TNFRSF10D: variants seen among roughly 807,000 people sequenced by gnomAD.
The protein encoded by TNFRSF10D is TNF receptor superfamily member 10d, also known as tumor necrosis factor receptor superfamily member 10D.
Under a neutral mutation model 42.1 loss-of-function variants are expected in TNFRSF10D, and 28 were observed. The observed-to-expected ratio is 0.66, with a 90% CI of 0.49 to 0.91. TNFRSF10D has a LOEUF of 0.91. Among genes scored for constraint, TNFRSF10D ranks in the 40% least tolerant of loss-of-function variants. TNFRSF10D has a pLI of 0.00. For missense variants in TNFRSF10D, 503 were observed against 486.1 expected (o/e 1.03, Z -0.33); for synonymous variants, 186 against 189.4 (o/e 0.98, Z 0.15).
chr8:23,142,750 T>G (rs114044005), intron 7 of TNFRSF10D, among the ~76,000 whole-genome samples: 941 of 151,736 alleles, frequency 6.2e-3, no homozygotes, highest in African/African-American at 0.019. Context: ...AAAGGAAAAA[T>G]AAAAAATGAA....
chr8:23,163,845 A>G lies in TNFRSF10D; in HGVS notation c.91T>C (p.Trp31Arg), dbSNP rs752548144. The G allele has an allele frequency of 1.2e-6, 2 of 1,607,190 alleles. No individual in the cohort carries two copies. Among genetic ancestry groups the G allele is most frequent in the East Asian group, 2.3e-5 (1 of 44,056 alleles). The stretch of plus-strand genomic sequence containing the variant: ...TTAAGGATCTTGGGGTCCAGGAGCC[A>G]TGGTCTGGTTCCCGACGCTGTCCTG... ...GARTASGTRP[W>R]LLDPKILKFV... Residue 31 changes from tryptophan (W) to arginine (R), a missense_variant, in exon 1 of 9, where the codon TGG (tryptophan) becomes CGG (arginine). Coordinates refer to ENST00000312584, the MANE Select transcript of TNFRSF10D (RefSeq NM_003840.5).
At chr8:23,162,874 C>G (rs1585267818) in intron 1 of TNFRSF10D, among the ~76,000 whole-genome samples, 1 of 152,174 alleles carries the variant, frequency 6.6e-6, no homozygotes, top group Middle Eastern at 3.2e-3. Context: ...AAACTGATCT[C>G]CAAGAAACAC....
chr8:23,144,412 CT>C, intron 7 of TNFRSF10D, 37 bp downstream of exon 7: 1 of 1,598,750 alleles, frequency 6.3e-7, no homozygotes, highest in African/African-American at 1.3e-5. Flanking sequence ...CCTGTGCAGG[CT>C]GCACGCCAGG....
rs61160958 is a variant in TNFRSF10D at position 23,146,856 on chromosome 8, C to CCT, written c.482+104_482+105insAG. On this transcript the variant is annotated intron_variant, in intron 4 of 8. Transcript: ENST00000312584. ...AAACCCCACAGGCTCAGGGAGGCCT[C>CCT]GGGCCTGGAGGATCCATGGGGTCAG... is the stretch of plus-strand genomic sequence containing the variant. 3.1e-6 allele frequency: 3 copies of CCT among 979,642 alleles called. No homozygotes were observed. The African/African-American group carries it at 4.9e-5, about 16-fold the overall frequency. 60.7% of individuals were successfully genotyped at this position (979,642 alleles called of 1,614,324 possible).
chr8:23,137,198 G>A lies in TNFRSF10D; in HGVS notation c.*672C>T, dbSNP rs1424291708. The A allele has an allele frequency of 3.3e-5, 5 of 152,160 alleles. No homozygotes were observed. The highest frequency in any genetic ancestry group is 2.6e-4 in the Admixed American group (4 of 15,278). The allele number at this position is 152,160 out of a possible 1,614,324, so 9.4% of individuals were successfully genotyped here. A position where few individuals can be genotyped will look rare whatever the true frequency, so the allele number is the denominator to read the frequency against. On this transcript the variant is annotated 3_prime_UTR_variant, in exon 9 of 9. Transcript: ENST00000312584. The stretch of plus-strand genomic sequence containing the variant: ...GCTCAAAACTCTAAGTCGAACCCTC[G>A]TAAGTCCATATGCTCATGACTTAGC...
Position 23,137,585 on chromosome 8 carries a change from A to T in TNFRSF10D, c.*285T>A. ...CTATCAAAGTGCTGGGATTACAGGC[A>T]TGAGCCACCGCATGTGGCCTAAAAC... On this transcript the variant is annotated 3_prime_UTR_variant, in exon 9 of 9. Coordinates refer to ENST00000312584, the MANE Select transcript of TNFRSF10D (RefSeq NM_003840.5). 1 of 259,054 alleles carries T rather than the reference A, an allele frequency of 3.9e-6. No individual in the cohort carries two copies. The highest frequency in any genetic ancestry group is 7.4e-6 in the Non-Finnish European group (1 of 135,522). The allele number at this position is 259,054 out of a possible 1,614,324, so 16.0% of individuals were successfully genotyped here.
Position 23,135,972 on chromosome 8 carries a change from TG to T in TNFRSF10D, c.*1897del. 2.2e-6 allele frequency: 1 copy of T among 446,414 alleles called. No homozygotes were observed. 27.7% of individuals were successfully genotyped at this position (446,414 alleles called of 1,614,324 possible). ...CAAGGTGTGGGACGCCAGATGGAAG[TG>T]GGAGAGGATGGAAGTGCGAAGACCG... On this transcript the variant is annotated 3_prime_UTR_variant, in exon 9 of 9. Transcript: ENST00000312584.
intron 2 of TNFRSF10D, among the ~76,000 whole-genome samples, chr8:23,152,349 G>A (rs115863069): frequency 6.1e-3 from 924 of 152,160 alleles, no homozygotes; most frequent in African/African-American, 0.019. Flanking sequence ...GAGAGGACCC[G>A]TGGGACTACA....
intron 1 of TNFRSF10D, among the ~76,000 whole-genome samples, chr8:23,157,270 C>T (rs1409315724): frequency 6.6e-6 from 1 of 152,160 alleles, no homozygotes; most frequent in Non-Finnish European, 1.5e-5. Context: ...CCATTTCCCA[C>T]CAGTTTTGCT....
intron 1 of TNFRSF10D, among the ~76,000 whole-genome samples, chr8:23,163,566 C>G (rs1800406312): frequency 6.6e-6 from 1 of 152,182 alleles, no homozygotes; most frequent in Non-Finnish European, 1.5e-5. Flanking sequence ...CACGGGACAG[C>G]CAGGGGGAGC....
intron 6 of TNFRSF10D, 107 bp downstream of exon 6, chr8:23,144,951 T>C: frequency 6.6e-7 from 1 of 1,513,478 alleles, no homozygotes; most frequent in East Asian, 2.3e-5. Flanking sequence ...TGTCAGAGAG[T>C]CAGGGCAGCC....
chr8:23,140,352 A>G (rs967525269), intron 7 of TNFRSF10D, among the ~76,000 whole-genome samples: 1 of 148,486 alleles, frequency 6.7e-6, no homozygotes, highest in Admixed American at 6.9e-5. Flanking sequence ...GACCAAATCA[A>G]TAACACAATC....
intron 6 of TNFRSF10D, 106 bp from the exon 7 acceptor site, chr8:23,144,741 C>T (rs1800089799): frequency 3.6e-6 from 5 of 1,382,738 alleles, no homozygotes; most frequent in Non-Finnish European, 4.9e-6. Flanking sequence ...ATGAGGTCAC[C>T]CCAGGCAGCT....
At chr8:23,145,188 A>C (rs997056781) in intron 5 of TNFRSF10D, 99 bp from the exon 6 acceptor site, 2 of 1,496,536 alleles carry the variant, frequency 1.3e-6, no homozygotes, top group Non-Finnish European at 1.8e-6. Context: ...GGGCTGGGAC[A>C]CTGGACAAGG....
chr8:23,150,461 A>G (rs1028844084), intron 2 of TNFRSF10D, among the ~76,000 whole-genome samples: 1 of 152,236 alleles, frequency 6.6e-6, no homozygotes, highest in African/African-American at 2.4e-5. Flanking sequence ...GCTTCTTCAA[A>G]GTGCACATTC....
At chr8:23,154,246 G>A (rs114951722) in intron 2 of TNFRSF10D, among the ~76,000 whole-genome samples, 928 of 152,202 alleles carry the variant, frequency 6.1e-3, no homozygotes, top group African/African-American at 0.019. Context: ...CTGGTCAAAG[G>A]ATACAAAATT....
rs747315343 is a variant in TNFRSF10D, at chr8:23,163,816, G to A, written c.120C>T (p.Phe40=). 1 of 1,609,212 alleles carries A rather than the reference G, an allele frequency of 6.2e-7. No individual in the cohort carries two copies. Among genetic ancestry groups the A allele is most frequent in the Non-Finnish European group, 8.5e-7 (1 of 1,178,472 alleles). The change falls in exon 1 of 9, where the codon TTC becomes TTT. Residue 40 remains phenylalanine, a synonymous_variant. Coordinates refer to ENST00000312584, the MANE Select transcript of TNFRSF10D (RefSeq NM_003840.5). ...GCAGAACCGCGACGATGAAGACGAC[G>A]AACTTAAGGATCTTGGGGTCCAGGA... ...PWLLDPKILK[F]VVFIVAVLLP... is the part of the protein sequence containing the mutation.
At chr8:23,150,407 C>T (rs1004591832) in intron 2 of TNFRSF10D, among the ~76,000 whole-genome samples, 14 of 152,204 alleles carry the variant, frequency 9.2e-5, no homozygotes, top group African/African-American at 3.1e-4. Flanking sequence ...TGGTGAAGGG[C>T]GTTCCCTGAC....
intron 1 of TNFRSF10D, among the ~76,000 whole-genome samples, chr8:23,158,715 A>G (rs981089797): frequency 5.3e-5 from 8 of 152,174 alleles, no homozygotes; most frequent in Non-Finnish European, 1.0e-4. Flanking sequence ...ATGCATACCT[A>G]TTTCCATGAT....
Sources: allele counts gnomAD v4.1 joint callset (sites outside exome capture counted in the v4.1 genomes callset), GRCh38; gene constraint gnomAD v4.1.1; transcripts MANE v1.5; gene names NCBI Gene and HGNC (gene_info 2026-07-23, HGNC 2026-07-21).